The following CTBP1 variants were observed in gnomAD, a reference collection of about 807,000 sequenced individuals.
The protein encoded by CTBP1 is C-terminal-binding protein 1.
CTBP1 carries 11 observed loss-of-function variants against 42.1 expected under a neutral mutation model. That is an observed-to-expected ratio of 0.26 (90% CI 0.16 to 0.43). CTBP1 has a LOEUF of 0.43. Ranked by LOEUF, CTBP1 falls within the 20% of genes least tolerant of loss-of-function variation. The pLI is 1.00. For missense variants in CTBP1, 399 were observed against 624.3 expected, an observed-to-expected ratio of 0.64 and a Z score of 3.85; for synonymous variants, 324 against 277.1, an observed-to-expected ratio of 1.17 and a Z score of -1.68.
intron 5 of CTBP1, among the ~76,000 whole-genome samples, chr4:1,223,215 G>A (rs1001848981): frequency 2.6e-5 from 4 of 151,662 alleles, no homozygotes; most frequent in Non-Finnish European, 4.4e-5. Flanking sequence ...CCACACATGC[G>A]GGCCATGGCC....
chr4:1,213,167 G>A (rs182864607), intron 8 of CTBP1, 137 bp from the exon 9 acceptor site: 32 of 816,792 alleles, frequency 3.9e-5, no homozygotes, highest in Non-Finnish European at 6.1e-5. Flanking sequence ...CCAAGGCACG[G>A]CAGGGTCCTG....
chr4:1,222,801 G>C (rs117976120), intron 5 of CTBP1, among the ~76,000 whole-genome samples: 2 of 152,162 alleles, frequency 1.3e-5, no homozygotes, highest in Non-Finnish European at 2.9e-5. Flanking sequence ...CACGGGAAGA[G>C]CCCGGGGCCT....
chr4:1,242,637 C>A (rs1260502789), intron 1 of CTBP1: 1 of 985,342 alleles, frequency 1.0e-6, no homozygotes, highest in Non-Finnish European at 1.2e-6. Flanking sequence ...GTCCCCAACA[C>A]CACTCCTCAT....
chr4:1,249,766 T>C, upstream of CTBP1: 1 of 331,740 alleles, frequency 3.0e-6, no homozygotes, highest in Non-Finnish European at 6.2e-6. Flanking sequence ...GCCCGGGAAG[T>C]TCAGGGCTGG....
intron 6 of CTBP1, among the ~76,000 whole-genome samples, chr4:1,214,921 A>G (rs1428864243): frequency 6.6e-6 from 1 of 152,276 alleles, no homozygotes; most frequent in Non-Finnish European, 1.5e-5. Context: ...CGGGGCCTGC[A>G]GCAGAGCCTC....
chr4:1,213,354 G>GA, intron 8 of CTBP1, 124 bp downstream of exon 8: 1 of 1,467,944 alleles, frequency 6.8e-7, no homozygotes, highest in Non-Finnish European at 9.3e-7. Context: ...GGGGTGCAGT[G>GA]AGAGCACCAC....
intron 1 of CTBP1, 171 bp from the exon 2 acceptor site, chr4:1,241,690 C>A (rs1263644299): frequency 3.2e-6 from 4 of 1,257,400 alleles, no homozygotes; most frequent in Non-Finnish European, 4.1e-6. Context: ...GGCCCCGGCT[C>A]CTGCCGCACA....
rs3755951 is a variant in CTBP1 at position 1,215,595 on chromosome 4, G to A, written c.729+396C>T. Reference sequence around the variant, plus strand: ...AGCACAGCCCTTTCCAGCTGCAGATGTCAGAGGCCGACCTGAGCACAGCCC... The same window carrying A: ...AGCACAGCCCTTTCCAGCTGCAGATATCAGAGGCCGACCTGAGCACAGCCC... On this transcript the variant is annotated intron_variant, in intron 6 of 9. Transcript: ENST00000382952. 6.9e-3 allele frequency: 1,981 copies of A among 287,382 alleles called. 88 individuals are homozygous for A. In the East Asian group the frequency reaches 0.1, roughly 15 times the overall value. 17.8% of individuals were successfully genotyped at this position (287,382 alleles called of 1,614,324 possible). A position where few individuals can be genotyped will look rare whatever the true frequency, so the allele number is the denominator to read the frequency against.
intron 1 of CTBP1, 97 bp from the exon 2 acceptor site, chr4:1,241,616 A>C (rs1216651360): frequency 1.5e-5 from 22 of 1,438,598 alleles, no homozygotes; most frequent in Non-Finnish European, 2.0e-5. Context: ...ACCTCACTGC[A>C]TCTGCCACAC....
At chr4:1,218,895 C>T (rs997813327) in intron 5 of CTBP1, among the ~76,000 whole-genome samples, 1 of 152,120 alleles carries the variant, frequency 6.6e-6, no homozygotes, top group Non-Finnish European at 1.5e-5. Context: ...ACAGAAAACA[C>T]GTAGCCAGAT....
intron 2 of CTBP1, among the ~76,000 whole-genome samples, chr4:1,240,576 C>T (rs1385641810): frequency 1.1e-3 from 80 of 74,864 alleles, no homozygotes; most frequent in Middle Eastern, 8.8e-3. Context: ...GGGGGACTCC[C>T]GGGTGCTGGG....
At chr4:1,222,935 A>ACC (rs3834218) in intron 5 of CTBP1, among the ~76,000 whole-genome samples, 1 of 150,324 alleles carries the variant, frequency 6.7e-6, no homozygotes, top group Non-Finnish European at 1.5e-5. Context: ...CACAGCCCAT[A>ACC]CCCCCCCCAC....
chr4:1,234,375 A>T (rs912086922), intron 3 of CTBP1, among the ~76,000 whole-genome samples: 14 of 152,060 alleles, frequency 9.2e-5, no homozygotes, highest in Non-Finnish European at 8.8e-5. Flanking sequence ...GGGCTGCTTC[A>T]GGCCCCTCCA....
At chr4:1,247,062 G>C (rs1342937029) in intron 1 of CTBP1, among the ~76,000 whole-genome samples, 6 of 152,202 alleles carry the variant, frequency 3.9e-5, no homozygotes, top group Non-Finnish European at 7.3e-5. Context: ...CCACAGTCCT[G>C]TGCACCCCGG....
At chr4:1,224,683 G>A (rs1337812658) in intron 5 of CTBP1, among the ~76,000 whole-genome samples, 1 of 151,694 alleles carries the variant, frequency 6.6e-6, no homozygotes, top group Non-Finnish European at 1.5e-5. Context: ...GTCCGTGCAG[G>A]CCAGTGTGAG....
At position 1,211,977 on chromosome 4, in the gene CTBP1, G is replaced by A; in HGVS notation, c.*263C>T. The A allele has an allele frequency of 3.0e-6, 1 of 335,758 alleles. No individual in the cohort carries two copies. 20.8% of individuals were successfully genotyped at this position (335,758 alleles called of 1,614,324 possible). ...GATCCTTTGTAATGTTCTAAAAACT[G>A]TACACAGACAAGAACGTTCATGGGA... On this transcript the variant is annotated 3_prime_UTR_variant, in exon 10 of 10. Coordinates refer to ENST00000382952, the MANE Select transcript of CTBP1 (RefSeq NM_001012614.2).
Position 1,233,662 on chromosome 4 carries a change from C to T in CTBP1, c.162+4521G>A, listed in dbSNP as rs913716155. 6.6e-5 allele frequency among the ~76,000 whole-genome samples: 10 copies of T among 152,150 alleles called. No individual in the cohort carries two copies. The highest frequency in any genetic ancestry group is 2.4e-4 in the African/African-American group (10 of 41,438). On this transcript the variant is annotated intron_variant, in intron 3 of 9. Coordinates refer to ENST00000382952, the MANE Select transcript of CTBP1 (RefSeq NM_001012614.2). This position sits in a 1 kb window ranked among gnomAD's most constrained non-coding sequence, Gnocchi z 4.6. ...GTCCCGGTGGGTGACATCCCCCACC[C>T]GTGGTATCAGTAAAATCCCAGTCCT... is the stretch of plus-strand genomic sequence containing the variant.
intron 1 of CTBP1, among the ~76,000 whole-genome samples, chr4:1,246,904 A>G (rs1399513016): frequency 6.6e-6 from 1 of 152,248 alleles, no homozygotes; most frequent in Non-Finnish European, 1.5e-5. Context: ...AAATGTCCAA[A>G]GAGTGGGGGG....
intron 5 of CTBP1, among the ~76,000 whole-genome samples, chr4:1,220,577 A>G (rs1377962158): frequency 6.6e-6 from 1 of 152,224 alleles, no homozygotes; most frequent in Non-Finnish European, 1.5e-5. Flanking sequence ...AACAGCCAAG[A>G]CCCTCGTCAA....
Sources: allele counts gnomAD v4.1 joint callset (sites outside exome capture counted in the v4.1 genomes callset), GRCh38; gene constraint gnomAD v4.1.1; non-coding constraint Gnocchi (gnomAD v3.1); transcripts MANE v1.5; gene names NCBI Gene and HGNC (gene_info 2026-07-23, HGNC 2026-07-21).